Variants in TMEM108 observed in about 807,000 individuals in gnomAD.
TMEM108 encodes cancer/testis antigen 124.
Under a neutral mutation model 35.1 loss-of-function variants are expected in TMEM108, and 12 were observed. That is an observed-to-expected ratio of 0.34 (90% confidence interval 0.22 to 0.55). TMEM108 has a LOEUF of 0.55. Ranked by LOEUF, TMEM108 falls within the 20% of genes least tolerant of loss-of-function variation. TMEM108 has a pLI of 0.89. For synonymous variants in TMEM108, 287 were observed against 308.6 expected (o/e 0.93, Z 0.73); for missense variants, 680 against 753.3 (o/e 0.90, Z 1.14).
At chr3:133,295,981 T>A (rs554910957) in intron 3 of TMEM108, among the ~76,000 whole-genome samples, 162 of 152,334 alleles carry the variant, frequency 1.1e-3, no homozygotes, top group Non-Finnish European at 1.8e-3. Context: ...ATGAAAGAGC[T>A]GGACGGATAA....
chr3:133,080,668 GT>G (rs200695787), intron 2 of TMEM108, among the ~76,000 whole-genome samples: 5 of 150,756 alleles, frequency 3.3e-5, no homozygotes, highest in East Asian at 1.9e-4. Context: ...CTCATATATT[GT>G]TTTTTTTTAC....
intron 2 of TMEM108, among the ~76,000 whole-genome samples, chr3:133,071,750 CAT>C (rs1486056254): frequency 6.6e-6 from 1 of 152,110 alleles, no homozygotes; most frequent in African/African-American, 2.4e-5. Flanking sequence ...CTTTATCAGA[CAT>C]ATAATTTTCA....
intron 2 of TMEM108, among the ~76,000 whole-genome samples, chr3:133,182,070 C>T (rs1285568490): frequency 6.6e-6 from 1 of 152,096 alleles, no homozygotes; most frequent in Admixed American, 6.5e-5. Context: ...TAGATCTCAA[C>T]CTGTCTGGGA....
intron 2 of TMEM108, among the ~76,000 whole-genome samples, chr3:133,193,356 G>A (rs1945527955): frequency 6.6e-6 from 1 of 152,156 alleles, no homozygotes; most frequent in Non-Finnish European, 1.5e-5. Context: ...CATTTATGAG[G>A]AGCCTGTGTG....
At chr3:133,214,577 T>C (rs957512752) in intron 2 of TMEM108, among the ~76,000 whole-genome samples, 6 of 152,226 alleles carry the variant, frequency 3.9e-5, no homozygotes, top group Non-Finnish European at 5.9e-5. Flanking sequence ...CCTAGGTTGT[T>C]GGTTATCATC....
intron 3 of TMEM108, among the ~76,000 whole-genome samples, chr3:133,306,042 C>A (rs2071030033): frequency 6.6e-6 from 1 of 152,050 alleles, no homozygotes; most frequent in African/African-American, 2.4e-5. Context: ...CTTATATTTT[C>A]TGTCTGTGGC....
intron 3 of TMEM108, among the ~76,000 whole-genome samples, chr3:133,325,057 G>A (rs750652220): frequency 2.0e-5 from 3 of 152,124 alleles, no homozygotes; most frequent in Non-Finnish European, 2.9e-5. Context: ...ATTCACAATT[G>A]CAAAGGTATG....
chr3:133,323,499 C>G lies in TMEM108; in HGVS notation c.41-56253C>G, dbSNP rs566944808. Among the ~76,000 whole-genome samples the G allele has an allele frequency of 3.0e-4, 45 of 152,180 alleles. No homozygotes were observed. In the South Asian group the frequency reaches 9.3e-3, roughly 32 times the overall value. On this transcript the variant is annotated intron_variant, in intron 3 of 5. Transcript: ENST00000321871. ...TGAAAGATCTCTACAAGGAAAACTA[C>G]AGAACAGTACTGAAAGAAATTATAG...
chr3:133,217,020 T>C (rs1945919236), intron 2 of TMEM108, among the ~76,000 whole-genome samples: 1 of 152,142 alleles, frequency 6.6e-6, no homozygotes, highest in African/African-American at 2.4e-5. Context: ...TATTCCATAA[T>C]AGTTGTACTA....
chr3:133,375,409 G>A (rs1056018560), intron 3 of TMEM108, among the ~76,000 whole-genome samples: 3 of 152,216 alleles, frequency 2.0e-5, no homozygotes, highest in African/African-American at 4.8e-5. Context: ...TTTCAAGCAT[G>A]TGAAGCTAGG....
intron 3 of TMEM108, among the ~76,000 whole-genome samples, chr3:133,304,676 AT>A: frequency 6.6e-6 from 1 of 152,258 alleles, no homozygotes; most frequent in South Asian, 2.1e-4. Context: ...CTGTATCAAA[AT>A]TTTATTCCTT....
intron 2 of TMEM108, among the ~76,000 whole-genome samples, chr3:133,155,374 C>A (rs751218255): frequency 1.3e-5 from 2 of 152,040 alleles, no homozygotes; most frequent in Non-Finnish European, 2.9e-5. Context: ...TGGGTATATA[C>A]CCAGTAGTGG....
intron 3 of TMEM108, among the ~76,000 whole-genome samples, chr3:133,273,514 G>A (rs1347629882): frequency 1.3e-5 from 2 of 152,114 alleles, no homozygotes; most frequent in East Asian, 1.9e-4. Context: ...CAGGACTGAC[G>A]TAGGAAGCAG....
chr3:133,085,476 G>C (rs1026763144), intron 2 of TMEM108, among the ~76,000 whole-genome samples: 4 of 152,156 alleles, frequency 2.6e-5, no homozygotes, highest in African/African-American at 9.7e-5. Flanking sequence ...CAAGAGATGG[G>C]AAATAATTGT....
chr3:133,180,447 T>C lies in TMEM108; in HGVS notation c.-46-48819T>C, dbSNP rs117480540. On this transcript the variant is annotated intron_variant, in intron 2 of 5. Transcript: ENST00000321871. ...ATGTTTTTACAAATCAATGTAATAATAAAGGGTTTTATTTTCCTTCATATT... is the reference window on the plus strand; with the variant it reads ...ATGTTTTTACAAATCAATGTAATAACAAAGGGTTTTATTTTCCTTCATATT... Among the ~76,000 whole-genome samples the C allele has an allele frequency of 2.9e-3, 437 of 152,268 alleles. 16 individuals are homozygous for C. The East Asian group carries it at 0.07, about 24-fold the overall frequency.
intron 3 of TMEM108, among the ~76,000 whole-genome samples, chr3:133,377,123 T>C (rs1435497999): frequency 1.3e-5 from 2 of 152,200 alleles, no homozygotes; most frequent in Non-Finnish European, 2.9e-5. Context: ...GGGCCCACTC[T>C]TTTGGCCTCA....
intron 2 of TMEM108, among the ~76,000 whole-genome samples, chr3:133,191,463 C>G (rs1029604573): frequency 6.6e-6 from 1 of 152,132 alleles, no homozygotes; most frequent in East Asian, 1.9e-4. Context: ...AAATCAACCA[C>G]AAAATAACAG....
At chr3:133,211,270 A>G (rs974994932) in intron 2 of TMEM108, among the ~76,000 whole-genome samples, 9 of 152,108 alleles carry the variant, frequency 5.9e-5, no homozygotes, top group Non-Finnish European at 8.8e-5. Context: ...CTCCCTTTCT[A>G]CTGTAAAAAC....
intron 3 of TMEM108, among the ~76,000 whole-genome samples, chr3:133,306,662 C>T (rs1372910083): frequency 6.6e-6 from 1 of 152,106 alleles, no homozygotes; most frequent in Non-Finnish European, 1.5e-5. Context: ...ATGATAGTTT[C>T]CAGCTTCATC....
Sources: allele counts gnomAD v4.1 joint callset (sites outside exome capture counted in the v4.1 genomes callset), GRCh38; gene constraint gnomAD v4.1.1; transcripts MANE v1.5; gene names NCBI Gene and HGNC (gene_info 2026-07-23, HGNC 2026-07-21).